ZBTB20: variants seen among roughly 807,000 people sequenced by gnomAD.
The protein encoded by ZBTB20 is zinc finger and BTB domain containing 20.
A neutral mutation model predicts 56.9 loss-of-function variants in ZBTB20; 9 were observed. That is an observed-to-expected ratio of 0.16 (90% confidence interval 0.10 to 0.28). The LOEUF (loss-of-function observed/expected upper bound fraction) is 0.28. Ranked by LOEUF, ZBTB20 falls within the 10% of genes least tolerant of loss-of-function variation. The pLI is 1.00. For synonymous variants in ZBTB20, 417 were observed against 420.7 expected (o/e 0.99, Z 0.11); for missense variants, 655 against 1,003.0 (o/e 0.65, Z 4.69).
At chr3:115,111,235 T>C (rs898884720) in intron 1 of ZBTB20, among the ~76,000 whole-genome samples, 1 of 152,056 alleles carries the variant, frequency 6.6e-6, no homozygotes, top group Non-Finnish European at 1.5e-5. Flanking sequence ...GAAATTTGAA[T>C]ATCAAACAGT....
At chr3:114,406,663 TTCCTTCTAAGGTGTTTGTAC>T (rs1406209174) in intron 7 of ZBTB20, among the ~76,000 whole-genome samples, 2 of 152,148 alleles carry the variant, frequency 1.3e-5, no homozygotes, top group Non-Finnish European at 2.9e-5. Flanking sequence ...ATAAACATCC[TTCCTTCTAAGGTGTTTGTAC>T]TCCTTCTAAG....
intron 6 of ZBTB20, chr3:114,624,778 A>G (rs1374975516): frequency 6.5e-6 from 1 of 152,966 alleles, no homozygotes; most frequent in African/African-American, 2.4e-5. Context: ...CTGATGAACC[A>G]GAATGCCCTA....
At chr3:114,448,235 G>A (rs1300048913) in intron 7 of ZBTB20, among the ~76,000 whole-genome samples, 1 of 151,894 alleles carries the variant, frequency 6.6e-6, no homozygotes, top group Non-Finnish European at 1.5e-5. Context: ...AGATTATGGG[G>A]ATGTGCTTCA....
At chr3:114,782,519 GT>G (rs965450433) in intron 5 of ZBTB20, among the ~76,000 whole-genome samples, 5 of 152,006 alleles carry the variant, frequency 3.3e-5, no homozygotes, top group Admixed American at 6.6e-5. Context: ...ACATGTGTAA[GT>G]TTTTTTTCCC....
At chr3:115,003,634 A>G (rs2079345095) in intron 2 of ZBTB20, among the ~76,000 whole-genome samples, 1 of 151,678 alleles carries the variant, frequency 6.6e-6, no homozygotes, top group South Asian at 2.1e-4. Flanking sequence ...GTTTAAGGTT[A>G]GCCTGGGAAA....
intron 2 of ZBTB20, chr3:115,027,325 T>C (rs1003952472): frequency 2.0e-5 from 3 of 150,988 alleles, no homozygotes; most frequent in Non-Finnish European, 3.0e-5. Flanking sequence ...ACTAAAAATA[T>C]TGTGTTATTG....
intron 7 of ZBTB20, among the ~76,000 whole-genome samples, chr3:114,489,538 AAT>A (rs1294656584): frequency 6.6e-6 from 1 of 152,168 alleles, no homozygotes; most frequent in Non-Finnish European, 1.5e-5. Context: ...ATTGAATTAA[AAT>A]GGGATACAAC....
chr3:114,534,748 C>G (rs1397060259), intron 6 of ZBTB20, among the ~76,000 whole-genome samples: 1 of 152,180 alleles, frequency 6.6e-6, no homozygotes, highest in Non-Finnish European at 1.5e-5. Flanking sequence ...AAGCAAATCA[C>G]TCCTCAGCAA....
chr3:115,069,995 C>T (rs569489531), intron 2 of ZBTB20, among the ~76,000 whole-genome samples: 1 of 151,978 alleles, frequency 6.6e-6, no homozygotes, highest in African/African-American at 2.4e-5. Flanking sequence ...ATTTACTAAC[C>T]CTTTGATGTA....
intron 6 of ZBTB20, among the ~76,000 whole-genome samples, chr3:114,630,001 A>G (rs2058854630): frequency 6.6e-6 from 1 of 152,090 alleles, no homozygotes; most frequent in Admixed American, 6.5e-5. Context: ...TTAGTCGAGC[A>G]TGATGGTGTG....
chr3:114,984,071 C>G (rs930773248), intron 2 of ZBTB20, among the ~76,000 whole-genome samples: 1 of 151,878 alleles, frequency 6.6e-6, no homozygotes, highest in African/African-American at 2.4e-5. Context: ...CCTTCCATTT[C>G]CTGGTTTAAT....
rs1217332334 is a variant in ZBTB20, at chr3:114,316,436, A to G, written c.*22569T>C. On this transcript the variant is annotated 3_prime_UTR_variant, in exon 12 of 12. Transcript: ENST00000675478. ...GTAATGAGCATCTGGATTTGTAATG[A>G]GCATCTGATTTTGTTATGTGCATGT... 1 of 468,604 alleles carries G rather than the reference A, an allele frequency of 2.1e-6. No homozygotes were observed. Among genetic ancestry groups the G allele is most frequent in the African/African-American group, 2.0e-5 (1 of 49,348 alleles). 29.0% of individuals were successfully genotyped at this position (468,604 alleles called of 1,614,324 possible). A position where few individuals can be genotyped will look rare whatever the true frequency, so the allele number is the denominator to read the frequency against.
chr3:114,812,757 C>A (rs1375907754), intron 4 of ZBTB20, among the ~76,000 whole-genome samples: 1 of 152,054 alleles, frequency 6.6e-6, no homozygotes, highest in African/African-American at 2.4e-5. Context: ...GGCGGTGCTC[C>A]TAGGGGAGGC....
chr3:114,402,873 C>A (rs922921735), intron 7 of ZBTB20, among the ~76,000 whole-genome samples: 1 of 152,124 alleles, frequency 6.6e-6, no homozygotes, highest in African/African-American at 2.4e-5. Context: ...CAGGCTTATT[C>A]TATGCATCTG....
At chr3:114,884,182 C>T (rs1371219392) in intron 4 of ZBTB20, among the ~76,000 whole-genome samples, 2 of 151,864 alleles carry the variant, frequency 1.3e-5, no homozygotes, top group Admixed American at 6.6e-5. Context: ...GCCTCGGCCT[C>T]CCAAAGTGCT....
At chr3:115,071,773 A>G (rs1206165150) in intron 1 of ZBTB20, among the ~76,000 whole-genome samples, 3 of 152,218 alleles carry the variant, frequency 2.0e-5, no homozygotes, top group Admixed American at 6.5e-5. Context: ...CTGTCTCTCT[A>G]TGATGACTGT....
chr3:115,091,630 A>G (rs2083195381), intron 1 of ZBTB20, among the ~76,000 whole-genome samples: 1 of 151,508 alleles, frequency 6.6e-6, no homozygotes, highest in Non-Finnish European at 1.5e-5. Flanking sequence ...CTGTTTTTCC[A>G]AAGTAAAAAG....
intron 4 of ZBTB20, among the ~76,000 whole-genome samples, chr3:114,842,029 C>T (rs1019675897): frequency 1.3e-4 from 20 of 152,146 alleles, no homozygotes; most frequent in Non-Finnish European, 2.8e-4. Context: ...CAATTCAGGG[C>T]TCACACTTCT....
In ZBTB20 at chr3:114,621,636, C is replaced by A. The variant is rs541508371; in HGVS notation, c.-295+71892G>T. Among the ~76,000 whole-genome samples the A allele has an allele frequency of 6.6e-5, 10 of 152,114 alleles. No homozygotes were observed. In the East Asian group the frequency reaches 1.5e-3, roughly 24 times the overall value. On this transcript the variant is annotated intron_variant, in intron 6 of 11. Coordinates refer to ENST00000675478, the MANE Select transcript of ZBTB20 (RefSeq NM_001348800.3). ...TTGATTTGTGTATATCTGCGACTGC[C>A]TAATTAAATGAATATAGCATATAGG... is the stretch of plus-strand genomic sequence containing the variant.
Sources: allele counts gnomAD v4.1 joint callset (sites outside exome capture counted in the v4.1 genomes callset), GRCh38; gene constraint gnomAD v4.1.1; transcripts MANE v1.5; gene names NCBI Gene and HGNC (gene_info 2026-07-23, HGNC 2026-07-21).